The following ARMC3 variants were observed in gnomAD, a reference collection of about 807,000 sequenced individuals.
The protein encoded by ARMC3 is armadillo repeat-containing protein 3.
A neutral mutation model predicts 90.3 loss-of-function variants in ARMC3; 74 were observed. The ratio of observed to expected loss-of-function variants is 0.82; its 90% CI spans 0.68 to 0.99. The LOEUF is 0.99. Among genes scored for constraint, ARMC3 ranks in the 50% least tolerant of loss-of-function variants. The pLI, the probability that ARMC3 is intolerant of heterozygous loss-of-function variation, is 0.00. For synonymous variants in ARMC3, 334 were observed against 361.8 expected, an observed-to-expected ratio of 0.92 and a Z score of 0.87; for missense variants, 958 against 1,042.8, an observed-to-expected ratio of 0.92 and a Z score of 1.12.
chr10:22,998,083 G>T (rs577467152), intron 10 of ARMC3, 65 bp from the exon 11 acceptor site: 3 of 1,554,214 alleles, frequency 1.9e-6, no homozygotes, highest in South Asian at 2.4e-5. Context: ...CAGCTTAGTT[G>T]CATGCTCCAA....
intron 16 of ARMC3, among the ~76,000 whole-genome samples, chr10:23,010,542 C>CGGT (rs1554785038): frequency 5.6e-5 from 1 of 17,904 alleles, no homozygotes; most frequent in Non-Finnish European, 1.7e-4. Flanking sequence ...CTTCCCTTCC[C>CGGT]TGTTCTCTTC....
At chr10:22,960,040 A>G in intron 6 of ARMC3, 2 of 329,954 alleles carry the variant, frequency 6.1e-6, no homozygotes, top group Non-Finnish European at 1.2e-5. Context: ...TGTCCACAAT[A>G]GCAAGATGCT....
At chr10:23,001,440 A>T (rs1346381142) in intron 11 of ARMC3, among the ~76,000 whole-genome samples, 1 of 152,006 alleles carries the variant, frequency 6.6e-6, no homozygotes, top group African/African-American at 2.4e-5. Flanking sequence ...TCCCCCTCTT[A>T]TAAAGATCCT....
rs1009461797 is a variant in ARMC3 at position 23,029,752 on chromosome 10, A to C, written c.2046-844A>C. On this transcript the variant is annotated intron_variant, in intron 16 of 18. Transcript: ENST00000298032. The stretch of plus-strand genomic sequence containing the variant: ...TTCTCTAAGACCAGAACTTTTAATT[A>C]AAATTTCATCTTTATTAAGTACTAA... 3.3e-4 allele frequency among the ~76,000 whole-genome samples: 50 copies of C among 152,338 alleles called. 1 individual carries two copies. The highest frequency in any genetic ancestry group is 3.2e-3 in the Admixed American group (49 of 15,294).
rs199866111 is a variant in ARMC3 at position 23,003,281 on chromosome 10, G to A, written c.1598G>A (p.Gly533Glu). ...ATCCTTGAAGAAGTTAACGTATCAG[G>A]AACTCGGAAAAATAAATTCAGTGAG... ...LDILEEVNVSGTRKNKFSEAA... is the reference protein window; with the variant it reads ...LDILEEVNVSETRKNKFSEAA... The change falls in exon 13 of 19, where the codon GGA becomes GAA. Residue 533 changes from glycine to glutamate, a missense_variant. Coordinates refer to ENST00000298032, the MANE Select transcript of ARMC3 (RefSeq NM_173081.5). 1 of 1,612,810 alleles carries A rather than the reference G, an allele frequency of 6.2e-7. No individual in the cohort carries two copies. Among genetic ancestry groups the A allele is most frequent in the East Asian group, 2.2e-5 (1 of 44,824 alleles).
intron 7 of ARMC3, among the ~76,000 whole-genome samples, chr10:22,963,908 C>A (rs1835315147): frequency 4.0e-5 from 1 of 24,696 alleles, no homozygotes; most frequent in Non-Finnish European, 9.0e-5. Context: ...CACACACACA[C>A]ACACACACAC....
intron 10 of ARMC3, among the ~76,000 whole-genome samples, chr10:22,987,848 TG>T (rs1397878236): frequency 6.6e-6 from 1 of 152,250 alleles, no homozygotes; most frequent in Non-Finnish European, 1.5e-5. Context: ...AAGTTCTAAA[TG>T]TTAGCACATA....
At chr10:23,005,536 C>T (rs766445201) in intron 13 of ARMC3, among the ~76,000 whole-genome samples, 3 of 152,166 alleles carry the variant, frequency 2.0e-5, no homozygotes, top group Non-Finnish European at 4.4e-5. Context: ...AAACACCAAA[C>T]ATGATACTGA....
intron 18 of ARMC3, among the ~76,000 whole-genome samples, chr10:23,034,647 AACTC>A (rs1340073853): frequency 1.1e-4 from 16 of 152,122 alleles, no homozygotes; most frequent in Admixed American, 2.6e-4. Context: ...TTTTTGTCCT[AACTC>A]ACGGCCATCT....
intron 4 of ARMC3, among the ~76,000 whole-genome samples, chr10:22,958,686 C>T (rs997750332): frequency 2.0e-5 from 3 of 152,108 alleles, no homozygotes; most frequent in Non-Finnish European, 4.4e-5. Flanking sequence ...ATAATATTAC[C>T]TGTCTCATAA....
At chr10:22,984,161 C>A (rs1436667570) in intron 10 of ARMC3, among the ~76,000 whole-genome samples, 2 of 152,186 alleles carry the variant, frequency 1.3e-5, no homozygotes, top group Non-Finnish European at 2.9e-5. Context: ...GTTGCAAATA[C>A]TAATTTCGTG....
chr10:22,966,900 C>T (rs538623025), intron 7 of ARMC3, among the ~76,000 whole-genome samples: 27 of 148,794 alleles, frequency 1.8e-4, no homozygotes, highest in Admixed American at 1.5e-3. Context: ...TCCCTTGACA[C>T]GTGGGGATTA....
At chr10:23,021,417 A>G (rs772978325) in intron 16 of ARMC3, among the ~76,000 whole-genome samples, 7 of 152,262 alleles carry the variant, frequency 4.6e-5, no homozygotes, top group Non-Finnish European at 7.3e-5. Context: ...GAACTAATTT[A>G]CAATCCCACC....
intron 10 of ARMC3, among the ~76,000 whole-genome samples, chr10:22,983,049 A>C (rs1284822451): frequency 6.6e-6 from 1 of 152,176 alleles, no homozygotes; most frequent in Non-Finnish European, 1.5e-5. Flanking sequence ...AAGCATGCAA[A>C]TTTCTGGAAT....
chr10:22,953,227 A>G (rs1834802953), intron 3 of ARMC3, among the ~76,000 whole-genome samples: 1 of 152,178 alleles, frequency 6.6e-6, no homozygotes, highest in East Asian at 1.9e-4. Context: ...AAAGAAAAGG[A>G]AATGGATTCT....
chr10:22,943,560 A>C (rs57570767), intron 2 of ARMC3, among the ~76,000 whole-genome samples: 5,507 of 152,150 alleles, frequency 0.036, 310 homozygotes, highest in African/African-American at 0.12. Context: ...TTTGTTGAAA[A>C]AAAAAATCTG....
chr10:23,025,786 C>A (rs1838693889), intron 16 of ARMC3, among the ~76,000 whole-genome samples: 1 of 151,946 alleles, frequency 6.6e-6, no homozygotes. Context: ...TAGAGAAAAT[C>A]AATGAAATAA....
At chr10:22,973,698 A>T (rs1230695670) in intron 8 of ARMC3, among the ~76,000 whole-genome samples, 1 of 150,216 alleles carries the variant, frequency 6.7e-6, no homozygotes, top group Non-Finnish European at 1.5e-5. Context: ...GTAGTATGTT[A>T]GAAGTTTCCC....
In ARMC3 at chr10:22,986,558, A is replaced by C. The variant is rs183114272; in HGVS notation, c.1175+4858A>C. Among the ~76,000 whole-genome samples, 498 of 146,620 alleles carry C rather than the reference A, an allele frequency of 3.4e-3. 2 individuals carry two copies. The highest frequency in any genetic ancestry group is 5.6e-3 in the Non-Finnish European group (373 of 66,608). ...CAGAGTGAGACTCCATCTCAAAAAA[A>C]AAAACAAAAAAAAAAAAAACAAACC... is the stretch of plus-strand genomic sequence containing the variant. On this transcript the variant is annotated intron_variant, in intron 10 of 18. Transcript: ENST00000298032.
Sources: gnomAD v4.1 joint callset for allele counts (sites outside exome capture counted in the v4.1 genomes callset) on GRCh38, gnomAD v4.1.1 for gene constraint, MANE v1.5 for transcripts, NCBI Gene and HGNC (gene_info 2026-07-23, HGNC 2026-07-21) for gene names.